ZPBP: variants seen among roughly 807,000 people sequenced by gnomAD.
The protein encoded by ZPBP is zona pellucida-binding protein 1.
ZPBP carries 26 observed loss-of-function variants against 44.8 expected under a neutral mutation model. That is an observed-to-expected ratio of 0.58 (90% CI 0.43 to 0.81). The LOEUF is 0.81. Ranked by LOEUF, ZPBP falls within the 30% of genes least tolerant of loss-of-function variation. The probability of loss-of-function intolerance (pLI) is 0.00; values close to 1 mark genes in which losing one functional copy is unlikely to be tolerated. For missense variants in ZPBP, 409 were observed against 434.0 expected, an observed-to-expected ratio of 0.94 and a Z score of 0.51; for synonymous variants, 174 against 153.2, an observed-to-expected ratio of 1.14 and a Z score of -1.00.
At chr7:49,993,333 G>C (rs1170823653) in intron 6 of ZPBP, among the ~76,000 whole-genome samples, 1 of 151,922 alleles carries the variant, frequency 6.6e-6, no homozygotes, top group East Asian at 1.9e-4. Flanking sequence ...ACAATCTAAA[G>C]AAGGCAAAAT....
chr7:50,007,937 G>A (rs1029697556), intron 6 of ZPBP, among the ~76,000 whole-genome samples: 1 of 151,854 alleles, frequency 6.6e-6, no homozygotes, highest in African/African-American at 2.4e-5. Context: ...AAGACTGAAA[G>A]CTTTCCCACT....
chr7:49,972,312 A>G (rs1398972058), intron 7 of ZPBP, among the ~76,000 whole-genome samples: 1 of 151,970 alleles, frequency 6.6e-6, no homozygotes, highest in East Asian at 1.9e-4. Flanking sequence ...CTGTTCACAG[A>G]TGACATTATC....
intron 6 of ZPBP, among the ~76,000 whole-genome samples, chr7:50,011,609 G>C (rs1274418054): frequency 6.6e-6 from 1 of 152,128 alleles, no homozygotes; most frequent in African/African-American, 2.4e-5. Context: ...AGGCTAAATA[G>C]CATGTTGAAT....
chr7:50,014,021 T>C (rs1235326001), intron 6 of ZPBP, among the ~76,000 whole-genome samples: 1 of 152,152 alleles, frequency 6.6e-6, no homozygotes, highest in Non-Finnish European at 1.5e-5. Context: ...AGGTAACCTG[T>C]CTATATGTTG....
rs147011193 is a variant in ZPBP, at chr7:49,957,404, A to C, written c.962-19782T>G. Among the ~76,000 whole-genome samples the C allele has an allele frequency of 3.3e-3, 509 of 152,290 alleles. 1 individual carries two copies. The highest frequency in any genetic ancestry group is 0.011 in the African/African-American group (470 of 41,568). The stretch of plus-strand genomic sequence containing the variant: ...AGGTCTGGGAGAAGGAAATATGTGA[A>C]AAGAGAGGCCTAGTGGGCCCTCAGG... On this transcript the variant is annotated intron_variant, in intron 7 of 7. Transcript: ENST00000046087.
At chr7:49,902,352 C>A (rs1792800897) in intron 1 of ZPBP, among the ~76,000 whole-genome samples, 2 of 152,032 alleles carry the variant, frequency 1.3e-5, no homozygotes, top group South Asian at 4.1e-4. Flanking sequence ...AATCATTCCA[C>A]CCCATTTAAA....
chr7:50,004,293 T>A (rs150115945), intron 6 of ZPBP, among the ~76,000 whole-genome samples: 3 of 152,178 alleles, frequency 2.0e-5, no homozygotes, highest in Middle Eastern at 3.4e-3. Flanking sequence ...CCCTGGGATG[T>A]CAAACTCCAG....
downstream of ZPBP, among the ~76,000 whole-genome samples, chr7:49,846,956 A>G (rs1014459902): frequency 1.3e-5 from 2 of 152,232 alleles, no homozygotes; most frequent in Non-Finnish European, 2.9e-5. Context: ...GACAGATTGC[A>G]TATGTGAATT....
chr7:49,873,343 C>T (rs1055732134), intron 2 of ZPBP, among the ~76,000 whole-genome samples: 4 of 152,164 alleles, frequency 2.6e-5, no homozygotes, highest in Admixed American at 2.0e-4. Flanking sequence ...CCTATGTCCA[C>T]CTTGTAATGG....
At chr7:49,870,413 A>T (rs1357639084) in intron 2 of ZPBP, among the ~76,000 whole-genome samples, 1 of 152,226 alleles carries the variant, frequency 6.6e-6, no homozygotes, top group Non-Finnish European at 1.5e-5. Flanking sequence ...AAAATAAAAA[A>T]ATAAAAATTG....
At chr7:49,906,518 A>G (rs1265855632) in intron 1 of ZPBP, among the ~76,000 whole-genome samples, 1 of 151,966 alleles carries the variant, frequency 6.6e-6, no homozygotes, top group African/African-American at 2.4e-5. Flanking sequence ...TTGTATTTTT[A>G]CTATAGATGG....
At chr7:49,960,597 A>G (rs906347606) in intron 7 of ZPBP, among the ~76,000 whole-genome samples, 29 of 152,290 alleles carry the variant, frequency 1.9e-4, no homozygotes, top group African/African-American at 6.7e-4. Flanking sequence ...TACAGCACAT[A>G]TATCAGCAAA....
At chr7:49,902,084 G>T (rs972596681) in intron 1 of ZPBP, among the ~76,000 whole-genome samples, 1 of 151,858 alleles carries the variant, frequency 6.6e-6, no homozygotes, top group Non-Finnish European at 1.5e-5. Context: ...CATAAAAGTC[G>T]TAGAAGATCA....
At chr7:49,893,201 T>A (rs755492316) in intron 2 of ZPBP, among the ~76,000 whole-genome samples, 6 of 152,238 alleles carry the variant, frequency 3.9e-5, no homozygotes, top group Non-Finnish European at 7.4e-5. Flanking sequence ...ATATGATAAA[T>A]CAACTTGAAA....
At chr7:49,967,382 T>C (rs2128767732) in intron 7 of ZPBP, among the ~76,000 whole-genome samples, 1 of 152,330 alleles carries the variant, frequency 6.6e-6, no homozygotes, top group East Asian at 1.9e-4. Context: ...TATCCATAGA[T>C]GGAGAAGAAC....
At chr7:49,921,255 G>A (rs1794003984) in intron 1 of ZPBP, 1 of 152,238 alleles carries the variant, frequency 6.6e-6, no homozygotes, top group South Asian at 2.1e-4. Context: ...GATGGGTCTG[G>A]TTTCCAGCAG....
chr7:49,962,300 C>T (rs1375394762), intron 7 of ZPBP, among the ~76,000 whole-genome samples: 1 of 151,704 alleles, frequency 6.6e-6, no homozygotes, highest in Non-Finnish European at 1.5e-5. Context: ...TAAATGATCA[C>T]GTGTATTTTA....
intron 4 of ZPBP, among the ~76,000 whole-genome samples, chr7:50,034,943 T>G (rs1214869513): frequency 6.6e-6 from 1 of 152,212 alleles, no homozygotes; most frequent in East Asian, 1.9e-4. Context: ...GATTGTAAGG[T>G]TAAAGACGCT....
At chr7:50,068,851 T>G (rs1362097005) in intron 3 of ZPBP, among the ~76,000 whole-genome samples, 6 of 152,198 alleles carry the variant, frequency 3.9e-5, no homozygotes, top group African/African-American at 1.4e-4. Flanking sequence ...CCGAAATGCC[T>G]CACAGTCTTT....
Sources: gnomAD v4.1 joint callset for allele counts (sites outside exome capture counted in the v4.1 genomes callset) on GRCh38, gnomAD v4.1.1 for gene constraint, MANE v1.5 for transcripts, NCBI Gene and HGNC (gene_info 2026-07-23, HGNC 2026-07-21) for gene names.